ALPK2: variants seen among roughly 807,000 people sequenced by gnomAD.
ALPK2 encodes the protein alpha-protein kinase 2.
Under a neutral mutation model 163.1 loss-of-function variants are expected in ALPK2, and 127 were observed. That is an observed-to-expected ratio of 0.78 (90% CI 0.67 to 0.90). The LOEUF is 0.90. ALPK2 is among the 40% of genes least tolerant of loss of function. ALPK2 has a pLI of 0.00. For missense variants in ALPK2, 2,360 were observed against 2,589.6 expected, an observed-to-expected ratio of 0.91 and a Z score of 1.92; for synonymous variants, 953 against 959.1, an observed-to-expected ratio of 0.99 and a Z score of 0.12.
At chr18:58,504,209 G>T (rs1206692500) in intron 10 of ALPK2, 61 bp from the exon 11 acceptor site, 2 of 1,387,912 alleles carry the variant, frequency 1.4e-6, no homozygotes, top group Non-Finnish European at 2.0e-6. Flanking sequence ...AGGCTCCTGC[G>T]GCATTCTACT....
intron 3 of ALPK2, among the ~76,000 whole-genome samples, chr18:58,606,828 G>A (rs1184590679): frequency 5.9e-5 from 9 of 151,756 alleles, no homozygotes; most frequent in Admixed American, 6.6e-5. Context: ...GTTCTTGGAG[G>A]AACAAAAAAA....
chr18:58,594,548 A>T (rs527706321), intron 3 of ALPK2, among the ~76,000 whole-genome samples: 2 of 152,290 alleles, frequency 1.3e-5, no homozygotes, highest in Admixed American at 1.3e-4. Context: ...TCCATCAGAC[A>T]AGCCATGGCC....
intron 3 of ALPK2, among the ~76,000 whole-genome samples, chr18:58,583,178 G>A (rs2051968223): frequency 6.6e-6 from 1 of 152,100 alleles, no homozygotes; most frequent in African/African-American, 2.4e-5. Flanking sequence ...TTTTCTTTAG[G>A]ACCTGCTCTT....
chr18:58,531,231 A>G (rs1568075966), intron 5 of ALPK2, among the ~76,000 whole-genome samples: 4 of 152,160 alleles, frequency 2.6e-5, no homozygotes, highest in Admixed American at 2.6e-4. Flanking sequence ...AACATTACTT[A>G]GGGTTTATTT....
chr18:58,625,530 G>GAATCAGA (rs1217681806), intron 1 of ALPK2, among the ~76,000 whole-genome samples: 1 of 152,242 alleles, frequency 6.6e-6, no homozygotes, highest in African/African-American at 2.4e-5. Context: ...GGAAACTTCA[G>GAATCAGA]AATCAGAAAC....
intron 4 of ALPK2, among the ~76,000 whole-genome samples, chr18:58,554,514 G>A (rs889835083): frequency 2.6e-5 from 4 of 152,208 alleles, no homozygotes; most frequent in Admixed American, 6.5e-5. Flanking sequence ...TGACCTGCAG[G>A]TGCTCCTCCT....
chr18:58,561,849 C>G (rs2051827189), intron 4 of ALPK2, among the ~76,000 whole-genome samples: 1 of 152,188 alleles, frequency 6.6e-6, no homozygotes, highest in South Asian at 2.1e-4. Flanking sequence ...GAAACTTCAC[C>G]TGCAGCTGCA....
At position 58,579,165 on chromosome 18, in the gene ALPK2, C is replaced by T; in HGVS notation, c.1611G>A (p.Val537=). ...GATTTCCCTTCATTCCCGGCTGCCTCACCCTGGCAGATTTCCTTGAACCCC... is the reference window on the plus strand; with the variant it reads ...GATTTCCCTTCATTCCCGGCTGCCTTACCCTGGCAGATTTCCTTGAACCCC... ...SKRGSRKSAR[V]RQPGMKGNPK... is the part of the protein sequence containing the mutation. The change falls in exon 4 of 13, where the codon GTG becomes GTA. Residue 537 remains valine (V), a synonymous_variant. Transcript: ENST00000361673. 2 of 1,614,198 alleles carry T rather than the reference C, an allele frequency of 1.2e-6. No individual in the cohort carries two copies. Among genetic ancestry groups the T allele is most frequent in the Non-Finnish European group, 8.5e-7 (1 of 1,180,044 alleles).
chr18:58,572,649 A>G (rs2051891873), intron 4 of ALPK2, among the ~76,000 whole-genome samples: 2 of 152,212 alleles, frequency 1.3e-5, no homozygotes, highest in Admixed American at 6.5e-5. Context: ...TTTATGTAAC[A>G]TGTTTGAAAT....
intron 6 of ALPK2, 200 bp downstream of exon 6, chr18:58,528,891 C>T: frequency 1.6e-6 from 1 of 638,936 alleles, no homozygotes; most frequent in Admixed American, 3.2e-5. Context: ...CTGGCAAAAC[C>T]TGGGCAAGAA....
At chr18:58,548,200 G>C (rs1383945681) in intron 4 of ALPK2, among the ~76,000 whole-genome samples, 3 of 152,128 alleles carry the variant, frequency 2.0e-5, no homozygotes, top group Admixed American at 2.0e-4. Flanking sequence ...ACCTGCCTCA[G>C]ATGCTCATAC....
At chr18:58,503,648 A>G (rs1410201701) in intron 11 of ALPK2, among the ~76,000 whole-genome samples, 1 of 152,292 alleles carries the variant, frequency 6.6e-6, no homozygotes, top group African/African-American at 2.4e-5. Context: ...GCAGTAAGCT[A>G]TGATCGTGCC....
chr18:58,488,618 T>C (rs541908218), intron 12 of ALPK2, among the ~76,000 whole-genome samples: 4 of 151,860 alleles, frequency 2.6e-5, no homozygotes, highest in Admixed American at 2.6e-4. Flanking sequence ...TGAAAAGTTT[T>C]CCTGCACTTT....
At chr18:58,502,672 C>A (rs2051438617) in intron 11 of ALPK2, among the ~76,000 whole-genome samples, 1 of 152,216 alleles carries the variant, frequency 6.6e-6, no homozygotes, top group Admixed American at 6.5e-5. Context: ...AAATAGGAAA[C>A]CCCTTGCAGC....
intron 9 of ALPK2, 68 bp from the exon 10 acceptor site, chr18:58,515,149 A>G: frequency 8.2e-7 from 1 of 1,225,138 alleles, no homozygotes; most frequent in Non-Finnish European, 1.2e-6. Flanking sequence ...GCCCAGTAAG[A>G]CTATTCAGGA....
intron 4 of ALPK2, among the ~76,000 whole-genome samples, chr18:58,554,170 CT>C (rs2051776584): frequency 6.6e-6 from 1 of 152,156 alleles, no homozygotes; most frequent in Non-Finnish European, 1.5e-5. Flanking sequence ...TCAGGCAGTT[CT>C]TTACGGCAGT....
At chr18:58,591,802 C>T (rs1488454635) in intron 3 of ALPK2, among the ~76,000 whole-genome samples, 2 of 152,176 alleles carry the variant, frequency 1.3e-5, no homozygotes, top group Non-Finnish European at 2.9e-5. Flanking sequence ...ACTGTTTAAA[C>T]AGGACACTTC....
Position 58,481,798 on chromosome 18 carries a change from G to A in ALPK2, c.*25C>T. The A allele has an allele frequency of 6.3e-7, 1 of 1,579,418 alleles. No individual in the cohort carries two copies. The highest frequency in any genetic ancestry group is 1.1e-5 in the South Asian group (1 of 90,194). On this transcript the variant is annotated 3_prime_UTR_variant, in exon 13 of 13. Transcript: ENST00000361673. The stretch of plus-strand genomic sequence containing the variant: ...TGGCGAGATTGTGTGCTGCTAGCCA[G>A]TGGCCATTAGGTTACCCAGGGACGT...
chr18:58,587,689 C>T (rs2051994427), intron 3 of ALPK2, among the ~76,000 whole-genome samples: 2 of 151,928 alleles, frequency 1.3e-5, no homozygotes, highest in Non-Finnish European at 2.9e-5. Flanking sequence ...TGAGATTATC[C>T]AATTTTAGGA....
Sources: gnomAD v4.1 joint callset for allele counts (sites outside exome capture counted in the v4.1 genomes callset) on GRCh38, gnomAD v4.1.1 for gene constraint, MANE v1.5 for transcripts, NCBI Gene and HGNC (gene_info 2026-07-23, HGNC 2026-07-21) for gene names.